Variants in KCTD16 observed in about 807,000 individuals in gnomAD.
KCTD16 encodes the protein BTB/POZ domain-containing protein KCTD16.
KCTD16 carries 13 observed loss-of-function variants against 33.2 expected under a neutral mutation model. The ratio of observed to expected loss-of-function variants is 0.39; its 90% CI spans 0.25 to 0.62. KCTD16 has a LOEUF of 0.62. Ranked by LOEUF, KCTD16 falls within the 20% of genes least tolerant of loss-of-function variation. The pLI, the probability that KCTD16 is intolerant of heterozygous loss-of-function variation, is 0.50. For synonymous variants in KCTD16, 197 were observed against 195.3 expected (o/e 1.01, Z -0.07); for missense variants, 441 against 525.1 (o/e 0.84, Z 1.57).
intron 3 of KCTD16, among the ~76,000 whole-genome samples, chr5:144,209,686 T>G (rs1297781441): frequency 6.6e-6 from 1 of 151,500 alleles, no homozygotes; most frequent in Non-Finnish European, 1.5e-5. Context: ...GTGCTCGGGT[T>G]AATGGGACGA....
At chr5:144,268,958 C>G (rs960916889) in intron 3 of KCTD16, among the ~76,000 whole-genome samples, 4 of 152,026 alleles carry the variant, frequency 2.6e-5, no homozygotes, top group African/African-American at 9.7e-5. Context: ...TAAAAATTCA[C>G]TGGAGGGTTT....
intron 3 of KCTD16, among the ~76,000 whole-genome samples, chr5:144,252,744 A>G (rs1383430772): frequency 6.6e-6 from 1 of 151,956 alleles, no homozygotes; most frequent in Non-Finnish European, 1.5e-5. Flanking sequence ...CTGTGCAACT[A>G]GATTATGTAC....
chr5:144,467,317 TCACA>T (rs1754369818), intron 3 of KCTD16, among the ~76,000 whole-genome samples: 1 of 151,846 alleles, frequency 6.6e-6, no homozygotes, highest in African/African-American at 2.4e-5. Flanking sequence ...GTTTACTCTG[TCACA>T]CACACATTCA....
chr5:144,451,343 G>C (rs1419067268), intron 3 of KCTD16, among the ~76,000 whole-genome samples: 1 of 152,088 alleles, frequency 6.6e-6, no homozygotes, highest in South Asian at 2.1e-4. Flanking sequence ...CCACAGAAGA[G>C]ATACCACAGA....
chr5:144,199,581 T>C (rs1429020442), intron 2 of KCTD16, among the ~76,000 whole-genome samples: 1 of 152,154 alleles, frequency 6.6e-6, no homozygotes, highest in African/African-American at 2.4e-5. Context: ...TAAGTATATT[T>C]CTGTTGGTTA....
chr5:144,290,851 C>T (rs1324248969), intron 3 of KCTD16, among the ~76,000 whole-genome samples: 1 of 152,178 alleles, frequency 6.6e-6, no homozygotes, highest in African/African-American at 2.4e-5. Context: ...AAGCAATTAT[C>T]TTTCTATATG....
chr5:144,230,549 T>C (rs571552427), intron 3 of KCTD16, among the ~76,000 whole-genome samples: 34 of 152,292 alleles, frequency 2.2e-4, no homozygotes, highest in Non-Finnish European at 4.1e-4. Flanking sequence ...ATGTGGGAAC[T>C]ATATTTCAAA....
chr5:144,234,352 G>C (rs977085759), intron 3 of KCTD16, among the ~76,000 whole-genome samples: 1 of 152,052 alleles, frequency 6.6e-6, no homozygotes, highest in African/African-American at 2.4e-5. Flanking sequence ...ATATATAATC[G>C]CTTCACACAT....
chr5:144,305,476 A>G (rs1482484790), intron 3 of KCTD16, among the ~76,000 whole-genome samples: 2 of 152,200 alleles, frequency 1.3e-5, no homozygotes, highest in Non-Finnish European at 2.9e-5. Flanking sequence ...GAACAGACAG[A>G]GAAACCAGAG....
At chr5:144,467,085 TTA>T (rs572959149) in intron 3 of KCTD16, among the ~76,000 whole-genome samples, 1 of 131,910 alleles carries the variant, frequency 7.6e-6, no homozygotes, top group Non-Finnish European at 1.6e-5. Context: ...ATATATAGTG[TTA>T]TATATATTAT....
At chr5:144,454,416 C>T (rs567699936) in intron 3 of KCTD16, among the ~76,000 whole-genome samples, 165 of 152,294 alleles carry the variant, frequency 1.1e-3, no homozygotes, top group Non-Finnish European at 2.1e-3. Context: ...CAAGACTACA[C>T]CATTTTCCAC....
chr5:144,290,830 G>C (rs1755877124), intron 3 of KCTD16, among the ~76,000 whole-genome samples: 1 of 152,154 alleles, frequency 6.6e-6, no homozygotes, highest in African/African-American at 2.4e-5. Flanking sequence ...CTTGAACTCT[G>C]ACTTCATGAG....
chr5:144,307,117 GCTGTT>G (rs1424055288), intron 3 of KCTD16, among the ~76,000 whole-genome samples: 1 of 152,158 alleles, frequency 6.6e-6, no homozygotes. Context: ...TCTTCTTGCT[GCTGTT>G]CAATCATTCC....
intron 3 of KCTD16, among the ~76,000 whole-genome samples, chr5:144,400,955 A>T (rs909248633): frequency 1.3e-5 from 2 of 152,152 alleles, no homozygotes; most frequent in African/African-American, 4.8e-5. Context: ...AGCTTTACAT[A>T]TTGGGGAATA....
intron 3 of KCTD16, among the ~76,000 whole-genome samples, chr5:144,469,775 A>G (rs1391446883): frequency 6.6e-6 from 1 of 151,988 alleles, no homozygotes; most frequent in African/African-American, 2.4e-5. Flanking sequence ...ACAATTCAAC[A>G]TATGTGTTCA....
At chr5:144,221,658 G>T (rs1233649049) in intron 3 of KCTD16, among the ~76,000 whole-genome samples, 1 of 152,118 alleles carries the variant, frequency 6.6e-6, no homozygotes, top group African/African-American at 2.4e-5. Context: ...TCTTTATCCA[G>T]TCTATTATTG....
At chr5:144,352,679 A>G (rs1384896514) in intron 3 of KCTD16, among the ~76,000 whole-genome samples, 1 of 152,112 alleles carries the variant, frequency 6.6e-6, no homozygotes, top group African/African-American at 2.4e-5. Context: ...GAGACACTTA[A>G]TTTTTCACGT....
intron 3 of KCTD16, among the ~76,000 whole-genome samples, chr5:144,299,641 A>G (rs930621805): frequency 6.6e-6 from 1 of 152,134 alleles, no homozygotes; most frequent in African/African-American, 2.4e-5. Flanking sequence ...AAAGCCTTGG[A>G]CAGTGGCCTT....
intron 3 of KCTD16, among the ~76,000 whole-genome samples, chr5:144,351,585 G>A (rs917441672): frequency 6.6e-6 from 1 of 152,126 alleles, no homozygotes; most frequent in African/African-American, 2.4e-5. Flanking sequence ...TCAGTAAGTG[G>A]AAGAGATATC....
Sources: gnomAD v4.1 joint callset for allele counts (sites outside exome capture counted in the v4.1 genomes callset) on GRCh38, gnomAD v4.1.1 for gene constraint, MANE v1.5 for transcripts, NCBI Gene and HGNC (gene_info 2026-07-23, HGNC 2026-07-21) for gene names.